The following NSMCE2 variants were observed in gnomAD, a reference collection of about 807,000 sequenced individuals.
NSMCE2 encodes the protein E3 SUMO-protein ligase NSE2.
In NSMCE2, 24 loss-of-function variants were observed where a neutral mutation model predicts 23.8. The ratio of observed to expected loss-of-function variants is 1.01; its 90% CI spans 0.73 to 1.42. The LOEUF is 1.42. Ranked by LOEUF, NSMCE2 falls within the 40% of genes most tolerant of loss-of-function variation. The probability of loss-of-function intolerance (pLI) is 0.00; values close to 1 mark genes in which losing one functional copy is unlikely to be tolerated. For synonymous variants in NSMCE2, 92 were observed against 94.1 expected, an observed-to-expected ratio of 0.98 and a Z score of 0.13; for missense variants, 284 against 296.5, an observed-to-expected ratio of 0.96 and a Z score of 0.31.
intron 5 of NSMCE2, among the ~76,000 whole-genome samples, chr8:125,272,552 TG>T (rs1827246675): frequency 6.6e-6 from 1 of 151,578 alleles, no homozygotes; most frequent in Non-Finnish European, 1.5e-5. Flanking sequence ...AGTGGTGCTA[TG>T]ACATCATTTC....
At chr8:125,260,533 C>G (rs556849810) in intron 5 of NSMCE2, among the ~76,000 whole-genome samples, 5 of 149,388 alleles carry the variant, frequency 3.3e-5, no homozygotes, top group Non-Finnish European at 7.4e-5. Flanking sequence ...TTTCACTTTC[C>G]TTCTCGGGGC....
At chr8:125,152,295 G>T (rs992822916) in intron 4 of NSMCE2, among the ~76,000 whole-genome samples, 1 of 152,162 alleles carries the variant, frequency 6.6e-6, no homozygotes, top group Non-Finnish European at 1.5e-5. Flanking sequence ...TGACAGTGCC[G>T]TTATGTTGAC....
At chr8:125,156,157 T>G in intron 4 of NSMCE2, 1 of 224,294 alleles carries the variant, frequency 4.5e-6, no homozygotes, top group Non-Finnish European at 9.1e-6. Context: ...AGTCTCAGAG[T>G]TTAGCAAAAG....
At chr8:125,223,825 T>C (rs887243906) in intron 5 of NSMCE2, among the ~76,000 whole-genome samples, 4 of 148,086 alleles carry the variant, frequency 2.7e-5, no homozygotes, top group African/African-American at 5.1e-5. Context: ...TTTTTTTTTT[T>C]TTTTGAGTCA....
intron 5 of NSMCE2, among the ~76,000 whole-genome samples, chr8:125,321,358 AC>A (rs1829451313): frequency 1.3e-5 from 2 of 152,246 alleles, no homozygotes; most frequent in South Asian, 4.1e-4. Flanking sequence ...ATGTGTAACA[AC>A]AGCACTAAGG....
chr8:125,103,945 G>T (rs1290781490), intron 3 of NSMCE2, among the ~76,000 whole-genome samples: 1 of 147,232 alleles, frequency 6.8e-6, no homozygotes, highest in Admixed American at 6.8e-5. Context: ...TGTTAATTCT[G>T]TCATCTCTAT....
intron 5 of NSMCE2, 180 bp downstream of exon 5, chr8:125,182,436 C>A: frequency 1.6e-6 from 1 of 615,858 alleles, no homozygotes; most frequent in South Asian, 2.1e-5. Context: ...TCAAATCAGC[C>A]TGCTCATTTC....
intron 5 of NSMCE2, among the ~76,000 whole-genome samples, chr8:125,269,621 A>C (rs549849329): frequency 4.6e-5 from 7 of 152,224 alleles, no homozygotes; most frequent in Middle Eastern, 3.2e-3. Flanking sequence ...GCTTTCTACA[A>C]GATCATTAAG....
At chr8:125,140,323 G>A (rs1311398033) in intron 3 of NSMCE2, among the ~76,000 whole-genome samples, 5 of 152,168 alleles carry the variant, frequency 3.3e-5, no homozygotes, top group Admixed American at 3.3e-4. Flanking sequence ...TGTGTTGGAG[G>A]CCTTATGTTG....
At chr8:125,173,768 A>T (rs1409593332) in intron 4 of NSMCE2, among the ~76,000 whole-genome samples, 2 of 152,196 alleles carry the variant, frequency 1.3e-5, no homozygotes, top group African/African-American at 4.8e-5. Context: ...TCATAAAATT[A>T]AATCTATTCT....
chr8:125,231,255 A>T (rs1825310134), intron 5 of NSMCE2, among the ~76,000 whole-genome samples: 1 of 152,242 alleles, frequency 6.6e-6, no homozygotes, highest in Non-Finnish European at 1.5e-5. Context: ...GCTGTGCCAC[A>T]TAATGAGGAT....
intron 4 of NSMCE2, among the ~76,000 whole-genome samples, chr8:125,178,759 A>G (rs1214767532): frequency 6.6e-6 from 1 of 152,168 alleles, no homozygotes; most frequent in Admixed American, 6.5e-5. Context: ...AGTCCCAGCT[A>G]CTTGGGAGGC....
intron 4 of NSMCE2, among the ~76,000 whole-genome samples, chr8:125,154,678 A>G (rs1338967862): frequency 2.0e-5 from 3 of 152,196 alleles, no homozygotes; most frequent in Admixed American, 1.3e-4. Flanking sequence ...TTAGATCCTC[A>G]GAGAGTTCTA....
rs1366729037 is a variant in NSMCE2, at chr8:125,208,670, A to G, written c.418+26414A>G. Among the ~76,000 whole-genome samples, 3 of 152,360 alleles carry G rather than the reference A, an allele frequency of 2.0e-5. No homozygotes were observed. In the East Asian group the frequency reaches 5.8e-4, roughly 29 times the overall value. On this transcript the variant is annotated intron_variant, in intron 5 of 7. Coordinates refer to ENST00000287437, the MANE Select transcript of NSMCE2 (RefSeq NM_173685.4). Reference sequence around the variant, plus strand: ...CCAGCGTAAGTGTTTCATACAATTAACACCTGAGAAGGGAGACATCTTTGA... The same window carrying G: ...CCAGCGTAAGTGTTTCATACAATTAGCACCTGAGAAGGGAGACATCTTTGA...
At chr8:125,215,612 G>A (rs12056336) in intron 5 of NSMCE2, among the ~76,000 whole-genome samples, 14,883 of 152,126 alleles carry the variant, frequency 0.098, 942 homozygotes, top group South Asian at 0.17. Context: ...CTGAGGAATC[G>A]CCTATGTCCT....
chr8:125,255,124 C>T (rs1210447736), intron 5 of NSMCE2, among the ~76,000 whole-genome samples: 1 of 152,006 alleles, frequency 6.6e-6, no homozygotes, highest in Non-Finnish European at 1.5e-5. Context: ...AAGACCCAAG[C>T]AGAGAGGAAC....
chr8:125,146,705 A>G (rs931182001), intron 3 of NSMCE2, among the ~76,000 whole-genome samples: 2 of 152,112 alleles, frequency 1.3e-5, no homozygotes, highest in Admixed American at 6.5e-5. Context: ...ATGAGAACAC[A>G]TGGTCACAGG....
intron 5 of NSMCE2, among the ~76,000 whole-genome samples, chr8:125,194,097 T>A (rs1210862033): frequency 1.3e-5 from 2 of 152,154 alleles, no homozygotes; most frequent in African/African-American, 4.8e-5. Context: ...CACTCTCCCA[T>A]CTATTATCTT....
chr8:125,274,916 G>A (rs1480712341), intron 5 of NSMCE2, among the ~76,000 whole-genome samples: 1 of 146,272 alleles, frequency 6.8e-6, no homozygotes, highest in African/African-American at 2.6e-5. Flanking sequence ...GGCTTCAGAG[G>A]GAGACTCAGT....
Sources: gnomAD v4.1 joint callset for allele counts (sites outside exome capture counted in the v4.1 genomes callset) on GRCh38, gnomAD v4.1.1 for gene constraint, MANE v1.5 for transcripts, NCBI Gene and HGNC (gene_info 2026-07-23, HGNC 2026-07-21) for gene names.